Variants in ELMO1 observed in about 807,000 individuals in gnomAD.
ELMO1 encodes engulfment and cell motility protein 1.
Under a neutral mutation model 98.9 loss-of-function variants are expected in ELMO1, and 26 were observed. The observed-to-expected ratio is 0.26, with a 90% CI of 0.19 to 0.36. ELMO1 has a LOEUF of 0.36. ELMO1 is among the 10% of genes least tolerant of loss of function. ELMO1 has a pLI of 1.00. For synonymous variants in ELMO1, 346 were observed against 346.0 expected, an observed-to-expected ratio of 1.00 and a Z score of 0.00; for missense variants, 627 against 935.2, an observed-to-expected ratio of 0.67 and a Z score of 4.30.
In ELMO1 at chr7:37,267,036, TATACACACAC is replaced by T. The variant is rs1380303933; in HGVS notation, c.243+4786_243+4795del. Among the ~76,000 whole-genome samples, 66 of 26,924 alleles carry T rather than the reference TATACACACAC, an allele frequency of 2.5e-3. 4 individuals carry two copies. Among genetic ancestry groups the T allele is most frequent in the African/African-American group, 9.3e-3 (59 of 6,344 alleles). 17.7% of individuals were successfully genotyped at this position (26,924 alleles called of 152,430 possible). On this transcript the variant is annotated intron_variant, in intron 5 of 21. Coordinates refer to ENST00000310758, the MANE Select transcript of ELMO1 (RefSeq NM_014800.11). ...TAAAAAAAAAAAAAAAATATGTATA[TATACACACAC>T]ACACACACACACACACACACACACA...
chr7:37,313,243 G>A (rs140983052), intron 4 of ELMO1, among the ~76,000 whole-genome samples: 40 of 151,978 alleles, frequency 2.6e-4, no homozygotes, highest in African/African-American at 7.0e-4. Context: ...TTTTTCTCTC[G>A]AGATGGAGTC....
At chr7:37,306,825 T>C (rs1166357338) in intron 4 of ELMO1, among the ~76,000 whole-genome samples, 2 of 152,152 alleles carry the variant, frequency 1.3e-5, no homozygotes, top group African/African-American at 4.8e-5. Flanking sequence ...CTAGGGTGTA[T>C]AAATCTTACC....
intron 1 of ELMO1, among the ~76,000 whole-genome samples, chr7:37,389,230 C>T (rs774498424): frequency 2.6e-5 from 4 of 152,178 alleles, no homozygotes; most frequent in South Asian, 2.1e-4. Context: ...AACCCAAACC[C>T]GGCAATTCCT....
intron 1 of ELMO1, among the ~76,000 whole-genome samples, chr7:37,387,944 G>A (rs1385751002): frequency 1.3e-5 from 2 of 152,024 alleles, no homozygotes; most frequent in Admixed American, 6.6e-5. Flanking sequence ...AGTTCCTCCC[G>A]CCTCAGCCTC....
chr7:36,973,740 T>G (rs923345707), intron 16 of ELMO1, among the ~76,000 whole-genome samples: 11 of 151,974 alleles, frequency 7.2e-5, no homozygotes, highest in Non-Finnish European at 1.3e-4. Context: ...CAGGGAGGTG[T>G]GGAGGGAGAG....
chr7:36,872,271 G>A (rs1031861541), intron 19 of ELMO1, among the ~76,000 whole-genome samples: 1 of 152,212 alleles, frequency 6.6e-6, no homozygotes, highest in African/African-American at 2.4e-5. Flanking sequence ...GAGGCTCAGG[G>A]AGGACAAGGT....
At chr7:37,385,601 T>C (rs781060818) in intron 1 of ELMO1, among the ~76,000 whole-genome samples, 9 of 152,262 alleles carry the variant, frequency 5.9e-5, no homozygotes, top group Non-Finnish European at 1.3e-4. Context: ...GACATTTGTT[T>C]ACTTGTTTAT....
chr7:37,280,542 A>G (rs893782797), intron 4 of ELMO1, among the ~76,000 whole-genome samples: 1 of 152,196 alleles, frequency 6.6e-6, no homozygotes, highest in Non-Finnish European at 1.5e-5. Flanking sequence ...GGCTAAGAAC[A>G]TGAATAGACA....
chr7:37,331,185 TTG>T (rs1491062999), intron 2 of ELMO1, among the ~76,000 whole-genome samples: 1 of 151,306 alleles, frequency 6.6e-6, no homozygotes. Flanking sequence ...CTTTTTTTTT[TTG>T]GAGACACAGT....
chr7:37,285,757 A>G (rs917319310), intron 4 of ELMO1, among the ~76,000 whole-genome samples: 1 of 152,196 alleles, frequency 6.6e-6, no homozygotes, highest in Non-Finnish European at 1.5e-5. Flanking sequence ...CTGTGTTTCC[A>G]GGGGAGAAGC....
intron 7 of ELMO1, among the ~76,000 whole-genome samples, chr7:37,239,787 G>C (rs966007039): frequency 1.3e-5 from 2 of 152,146 alleles, no homozygotes; most frequent in Admixed American, 6.5e-5. Context: ...TCCCATAATG[G>C]GTAGAAATGA....
In ELMO1 at chr7:37,266,870, G is replaced by A. The variant is rs1043169559; in HGVS notation, c.243+4962C>T. On this transcript the variant is annotated intron_variant, in intron 5 of 21. Coordinates refer to ENST00000310758, the MANE Select transcript of ELMO1 (RefSeq NM_014800.11). ...TCTACTAAAAATACAAAAATTAGCC[G>A]GGCATGATGGCGTACGCCTGTAGTC... Among the ~76,000 whole-genome samples, 12 of 151,980 alleles carry A rather than the reference G, an allele frequency of 7.9e-5. No homozygotes were observed. In the South Asian group the frequency reaches 8.3e-4, roughly 11 times the overall value.
intron 18 of ELMO1, among the ~76,000 whole-genome samples, chr7:36,882,806 G>T (rs1024005043): frequency 6.6e-6 from 1 of 152,180 alleles, no homozygotes; most frequent in Non-Finnish European, 1.5e-5. Flanking sequence ...GTAGTTTCCT[G>T]CTCTTCTAGT....
At chr7:37,015,292 A>C (rs1405035291) in intron 15 of ELMO1, among the ~76,000 whole-genome samples, 1 of 151,968 alleles carries the variant, frequency 6.6e-6, no homozygotes, top group East Asian at 1.9e-4. Flanking sequence ...TCTGAGCTTC[A>C]ATTTTCTTAA....
At chr7:37,014,173 T>A (rs1793754800) in intron 15 of ELMO1, among the ~76,000 whole-genome samples, 1 of 151,990 alleles carries the variant, frequency 6.6e-6, no homozygotes, top group Non-Finnish European at 1.5e-5. Flanking sequence ...ACTCTCCTCC[T>A]CCTCCTCCTC....
chr7:37,225,700 A>T (rs768813303), intron 8 of ELMO1, among the ~76,000 whole-genome samples: 3 of 152,260 alleles, frequency 2.0e-5, no homozygotes, highest in Non-Finnish European at 4.4e-5. Context: ...TTAAGCTCCA[A>T]AATAGATTCT....
chr7:37,064,041 G>A (rs1252961711), intron 15 of ELMO1, among the ~76,000 whole-genome samples: 1 of 151,964 alleles, frequency 6.6e-6, no homozygotes, highest in African/African-American at 2.4e-5. Context: ...AACTATAGAG[G>A]AGCTCCATGG....
intron 16 of ELMO1, among the ~76,000 whole-genome samples, chr7:36,970,214 C>T (rs1336127158): frequency 2.0e-5 from 3 of 150,536 alleles, no homozygotes; most frequent in Non-Finnish European, 4.5e-5. Context: ...CACACACACA[C>T]ACACACGCAC....
intron 21 of ELMO1, among the ~76,000 whole-genome samples, chr7:36,859,138 A>T (rs188789497): frequency 2.4e-4 from 36 of 152,318 alleles, no homozygotes; most frequent in African/African-American, 8.4e-4. Context: ...ATTCAGAGAA[A>T]CCTAGGAAAC....
Sources: allele counts gnomAD v4.1 joint callset (sites outside exome capture counted in the v4.1 genomes callset), GRCh38; gene constraint gnomAD v4.1.1; transcripts MANE v1.5; gene names NCBI Gene and HGNC (gene_info 2026-07-23, HGNC 2026-07-21).